The following ZNF438 variants were observed in gnomAD, a reference collection of about 807,000 sequenced individuals.
ZNF438 encodes the protein zinc finger protein 438.
In ZNF438, 25 loss-of-function variants were observed where a neutral mutation model predicts 38.0. The ratio of observed to expected loss-of-function variants is 0.66; its 90% confidence interval spans 0.48 to 0.92. The LOEUF (loss-of-function observed/expected upper bound fraction) is 0.92, where lower values mean the gene tolerates loss of function less well. Among genes scored for constraint, ZNF438 ranks in the 40% least tolerant of loss-of-function variants. The pLI is 0.00. For synonymous variants in ZNF438, 372 were observed against 364.1 expected, an observed-to-expected ratio of 1.02 and a Z score of -0.25; for missense variants, 1,007 against 999.6, an observed-to-expected ratio of 1.01 and a Z score of -0.10.
intron 1 of ZNF438, among the ~76,000 whole-genome samples, chr10:30,968,199 T>C (rs117135758): frequency 0.012 from 1,797 of 152,250 alleles, 13 homozygotes; most frequent in Middle Eastern, 0.034. Context: ...GTTGATGGGA[T>C]AGTTGGCAAA....
At chr10:30,939,877 A>T (rs1336601353) in intron 2 of ZNF438, among the ~76,000 whole-genome samples, 2 of 152,232 alleles carry the variant, frequency 1.3e-5, no homozygotes, top group African/African-American at 4.8e-5. Flanking sequence ...CAGTGAGTTA[A>T]ATAGTCTTGG....
intron 4 of ZNF438, among the ~76,000 whole-genome samples, chr10:30,853,338 C>A (rs2034031927): frequency 6.6e-6 from 1 of 152,158 alleles, no homozygotes; most frequent in Non-Finnish European, 1.5e-5. Context: ...TCCAATGGCT[C>A]TTCATCTCAG....
At chr10:30,866,000 G>GGGGTA (rs1179623920) in intron 4 of ZNF438, among the ~76,000 whole-genome samples, 3 of 152,146 alleles carry the variant, frequency 2.0e-5, no homozygotes, top group Non-Finnish European at 4.4e-5. Flanking sequence ...TTGCGCTGAT[G>GGGGTA]GGGTAAAACT....
In ZNF438 at chr10:30,872,425, C is replaced by CAAAAAAAAAAAAAAAAA. The variant is rs566401687; in HGVS notation, c.37+4556_37+4572dup. 1.5e-4 allele frequency among the ~76,000 whole-genome samples: 9 copies of CAAAAAAAAAAAAAAAAA among 58,698 alleles called. 1 individual carries two copies. Among genetic ancestry groups the CAAAAAAAAAAAAAAAAA allele is most frequent in the Non-Finnish European group, 2.6e-4 (8 of 30,562 alleles). 38.5% of individuals were successfully genotyped at this position (58,698 alleles called of 152,430 possible). ...TGGGTGACAGAACAAGACTCTGTCT[C>CAAAAAAAAAAAAAAAAA]AAAAAAAAAAAAAAAAAAAAAAAAA... On this transcript the variant is annotated intron_variant, in intron 4 of 5. Transcript: ENST00000413025.
chr10:30,947,461 G>T (rs10826894), intron 1 of ZNF438, among the ~76,000 whole-genome samples: 78,334 of 151,954 alleles, frequency 0.52, 21,573 homozygotes, highest in African/African-American at 0.72. Context: ...GTCTGCAGAG[G>T]TTACTGCTGT....
intron 1 of ZNF438, among the ~76,000 whole-genome samples, chr10:30,966,259 G>C (rs1485468676): frequency 6.6e-6 from 1 of 152,140 alleles, no homozygotes; most frequent in Non-Finnish European, 1.5e-5. Context: ...GAGCCCAGGA[G>C]TTTGAGGCTA....
intron 1 of ZNF438, among the ~76,000 whole-genome samples, chr10:30,993,362 A>T (rs564374893): frequency 2.0e-4 from 31 of 152,178 alleles, no homozygotes; most frequent in Admixed American, 7.2e-4. Context: ...CTGCCTCAGG[A>T]CTCTGCTCCC....
At chr10:30,967,249 G>T (rs552787734) in intron 1 of ZNF438, among the ~76,000 whole-genome samples, 33 of 152,088 alleles carry the variant, frequency 2.2e-4, no homozygotes, top group Non-Finnish European at 2.9e-4. Context: ...TTAAATTGTG[G>T]GGAAAAGAAG....
chr10:30,933,766 A>G (rs894182012), intron 2 of ZNF438, among the ~76,000 whole-genome samples: 8 of 152,132 alleles, frequency 5.3e-5, no homozygotes, highest in Non-Finnish European at 1.0e-4. Flanking sequence ...TGCCCCTTAC[A>G]CTTCACTTGA....
intron 1 of ZNF438, among the ~76,000 whole-genome samples, chr10:30,965,983 A>G (rs1284946988): frequency 6.6e-6 from 1 of 151,238 alleles, no homozygotes; most frequent in Non-Finnish European, 1.5e-5. Flanking sequence ...CTTTACTATT[A>G]GCAATACTGT....
exon 5 of ZNF438, chr10:30,849,799 G>A (rs1261656466): frequency 6.2e-7 from 1 of 1,614,058 alleles, no homozygotes; most frequent in African/African-American, 1.3e-5. Flanking sequence ...GTGGTCTCAA[G>A]TCCCCATGGT....
chr10:30,850,208 G>A, exon 5 of ZNF438: 2 of 1,614,028 alleles, frequency 1.2e-6, no homozygotes, highest in East Asian at 4.5e-5. Context: ...GTTGATGGAG[G>A]GTCCCAGATT....
chr10:30,926,822 G>C (rs949850099), intron 2 of ZNF438, among the ~76,000 whole-genome samples: 14 of 152,028 alleles, frequency 9.2e-5, no homozygotes, highest in African/African-American at 3.4e-4. Context: ...ACTGCTTCTG[G>C]AATTCACATG....
intron 3 of ZNF438, among the ~76,000 whole-genome samples, chr10:30,907,951 A>G (rs767423491): frequency 2.6e-5 from 4 of 152,056 alleles, no homozygotes; most frequent in Non-Finnish European, 4.4e-5. Context: ...TTTGAAAACA[A>G]TAAGGATTTA....
chr10:30,847,655 C>A (rs763853845), intron 5 of ZNF438, among the ~76,000 whole-genome samples: 8 of 152,168 alleles, frequency 5.3e-5, no homozygotes, highest in Non-Finnish European at 1.0e-4. Flanking sequence ...GTCCTGGGAG[C>A]CCCCTGAGCC....
At chr10:30,847,412 G>C (rs74133695) in intron 5 of ZNF438, among the ~76,000 whole-genome samples, 146 of 152,316 alleles carry the variant, frequency 9.6e-4, no homozygotes, top group Middle Eastern at 3.4e-3. Context: ...CCTGCAGAGA[G>C]GAACTGCCCC....
At chr10:30,902,660 C>CAG (rs2042150916) in intron 3 of ZNF438, among the ~76,000 whole-genome samples, 1 of 152,164 alleles carries the variant, frequency 6.6e-6, no homozygotes, top group African/African-American at 2.4e-5. Context: ...GAGCTAGACA[C>CAG]AGAGTGCTGA....
chr10:30,991,764 G>T (rs955298043), intron 1 of ZNF438, among the ~76,000 whole-genome samples: 4 of 152,232 alleles, frequency 2.6e-5, no homozygotes. Flanking sequence ...CCAGCTCACA[G>T]TAAACACAGA....
intron 1 of ZNF438, among the ~76,000 whole-genome samples, chr10:30,998,746 ACTTT>A (rs1342080094): frequency 4.6e-5 from 7 of 151,980 alleles, no homozygotes; most frequent in Non-Finnish European, 1.0e-4. Flanking sequence ...GATCTCTTTT[ACTTT>A]CTGTTTATAA....
Sources: gnomAD v4.1 joint callset for allele counts (sites outside exome capture counted in the v4.1 genomes callset) on GRCh38, gnomAD v4.1.1 for gene constraint, MANE v1.5 for transcripts, NCBI Gene and HGNC (gene_info 2026-07-23, HGNC 2026-07-21) for gene names.